The following HEATR4 variants were observed in gnomAD, a reference collection of about 807,000 sequenced individuals.
HEATR4 encodes HEAT repeat-containing protein 4.
Under a neutral mutation model 108.8 loss-of-function variants are expected in HEATR4, and 95 were observed. That is an observed-to-expected ratio of 0.87 (90% CI 0.74 to 1.04). The LOEUF (loss-of-function observed/expected upper bound fraction) is 1.04. Ranked by LOEUF, HEATR4 falls within the 50% of genes least tolerant of loss-of-function variation. HEATR4 has a pLI of 0.00. For synonymous variants in HEATR4, 443 were observed against 459.4 expected (o/e 0.96, Z 0.46); for missense variants, 1,152 against 1,253.8 (o/e 0.92, Z 1.23).
rs913662193 is a variant in HEATR4 at position 73,491,702 on chromosome 14, C to A, written c.2844+1364G>T. On this transcript the variant is annotated intron_variant, in intron 17 of 17. Transcript: ENST00000553558. ...GCGCCTATGGGAGCGCGAGGCGGTG[C>A]TGGTGCGGCGGCAGGACCACACCTA... The A allele has an allele frequency of 6.5e-6, 10 of 1,550,358 alleles. No homozygotes were observed. In the Admixed American group the frequency reaches 1.2e-4, roughly 18 times the overall value.
rs770978829 is a variant in HEATR4 at position 73,539,778 on chromosome 14, C to T, written c.-151-9534G>A. On this transcript the variant is annotated intron_variant, in intron 1 of 17. Transcript: ENST00000553558. ...TCCATCAGCACACGCGTGGGCTGTG[C>T]TCATCGCTGCCGGGGCACTGGGGTT... 1.3e-4 allele frequency: 15 copies of T among 117,312 alleles called. 1 individual carries two copies. The highest frequency in any genetic ancestry group is 4.2e-4 in the African/African-American group (15 of 36,020). The allele number at this position is 117,312 out of a possible 1,614,324, so 7.3% of individuals were successfully genotyped here. A position where few individuals can be genotyped will look rare whatever the true frequency, so the allele number is the denominator to read the frequency against.
chr14:73,509,837 TA>T (rs1248857013), intron 7 of HEATR4, among the ~76,000 whole-genome samples: 1 of 44,568 alleles, frequency 2.2e-5, no homozygotes, highest in Non-Finnish European at 4.8e-5. Context: ...TATATATATA[TA>T]TATATATATA....
rs1335719107 is a variant in HEATR4 at position 73,523,178 on chromosome 14, C to T, written c.-26G>A. ...ACCGCGTCCCAGCAAATGCTTCCTTCCACACTGCCTGGCCTAGAGGAAAGG... is the reference window on the plus strand; with the variant it reads ...ACCGCGTCCCAGCAAATGCTTCCTTTCACACTGCCTGGCCTAGAGGAAAGG... On this transcript the variant is annotated 5_prime_UTR_variant, in exon 3 of 18. Transcript: ENST00000553558. The T allele has an allele frequency of 5.8e-6, 9 of 1,543,772 alleles. No individual in the cohort carries two copies. Among genetic ancestry groups the T allele is most frequent in the Non-Finnish European group, 7.8e-6 (9 of 1,150,740 alleles).
chr14:73,580,684 G>A, the HEATR4 span: 1 of 152,106 alleles, frequency 6.6e-6, no homozygotes, highest in African/African-American at 2.4e-5. Context: ...AGAGATATCT[G>A]GTCCATATCC....
chr14:73,627,342 C>T, the HEATR4 span, among the ~76,000 whole-genome samples: 3 of 152,086 alleles, frequency 2.0e-5, no homozygotes, highest in African/African-American at 7.2e-5. Context: ...AACTCTGACA[C>T]AGTCTACCTG....
intron 16 of HEATR4, 21 bp downstream of exon 16, chr14:73,495,207 A>G: frequency 6.2e-7 from 1 of 1,607,508 alleles, no homozygotes; most frequent in Admixed American, 1.7e-5. Context: ...AAGGCATGGA[A>G]CTCACCCCTA....
the HEATR4 span, chr14:73,617,220 G>A: frequency 1.2e-6 from 2 of 1,614,130 alleles, no homozygotes; most frequent in South Asian, 2.2e-5. Context: ...CCTGAGTGCA[G>A]AAGAGAGGGG....
At chr14:73,626,661 TA>T in the HEATR4 span, among the ~76,000 whole-genome samples, 21,485 of 146,196 alleles carry the variant, frequency 0.15, 2,147 homozygotes, top group Non-Finnish European at 0.22. Context: ...GACCCTGTCT[TA>T]AAAAAAAAAA....
the HEATR4 span, chr14:73,592,341 C>T: frequency 1.3e-6 from 2 of 1,599,460 alleles, no homozygotes; most frequent in Non-Finnish European, 1.7e-6. Context: ...GCACGAGCGC[C>T]ACTTCCTCCC....
chr14:73,573,432 G>A, the HEATR4 span: 44,470 of 1,613,730 alleles, frequency 0.028, 1,255 homozygotes, highest in Non-Finnish European at 0.032. Flanking sequence ...CGGAACTGGA[G>A]GTGGCCTGCT....
At position 73,522,977 on chromosome 14, in the gene HEATR4, C is replaced by T. The variant is rs764475068; in HGVS notation, c.176G>A (p.Arg59His). 1.9e-5 allele frequency: 30 copies of T among 1,614,084 alleles called. No homozygotes were observed. Among genetic ancestry groups the T allele is most frequent in the East Asian group, 1.1e-4 (5 of 44,896 alleles). ...VFFSSQYRLHRKSQYLKMAAA... is the reference protein window; with the variant it reads ...VFFSSQYRLHHKSQYLKMAAA... Reference sequence around the variant, plus strand: ...AGCCATTTTCAAATATTGGCTCTTGCGGTGTAGACGGTACTGTGAGCTGAA... The same window carrying T: ...AGCCATTTTCAAATATTGGCTCTTGTGGTGTAGACGGTACTGTGAGCTGAA... The change falls in exon 3 of 18, where the codon CGC becomes CAC. Residue 59 changes from arginine (R) to histidine (H), a missense_variant. Arg to His is a conservative substitution (Grantham distance 29, BLOSUM62 0). Transcript: ENST00000553558.
At chr14:73,590,459 A>G in the HEATR4 span, among the ~76,000 whole-genome samples, 3 of 152,264 alleles carry the variant, frequency 2.0e-5, no homozygotes, top group African/African-American at 7.2e-5. Context: ...GCTGCCTGCC[A>G]GTCCCGCGCC....
the HEATR4 span, among the ~76,000 whole-genome samples, chr14:73,622,554 C>A: frequency 1.3e-3 from 205 of 152,088 alleles, no homozygotes; most frequent in Non-Finnish European, 2.2e-3. Context: ...AGGCGCACCA[C>A]CACACCCGGC....
chr14:73,595,828 C>T, the HEATR4 span: 8 of 726,338 alleles, frequency 1.1e-5, no homozygotes, highest in Admixed American at 2.1e-4. Flanking sequence ...ATGTAACTTG[C>T]TTGTTGTAGA....
At chr14:73,572,612 TAA>T in the HEATR4 span, among the ~76,000 whole-genome samples, 2 of 136,658 alleles carry the variant, frequency 1.5e-5, no homozygotes, top group Non-Finnish European at 3.1e-5. Context: ...AACTATGTCT[TAA>T]AAGTGTTGCC....
the HEATR4 span, among the ~76,000 whole-genome samples, chr14:73,630,458 A>G: frequency 6.6e-6 from 1 of 152,072 alleles, no homozygotes; most frequent in Non-Finnish European, 1.5e-5. Context: ...TTTACCTACA[A>G]CTGTCTTGGT....
In HEATR4 at chr14:73,514,082, G is replaced by A; in HGVS notation, c.1363C>T (p.Leu455=). ...TTCAGCATCCTCCGCAGGACCACCA[G>A]TTCCCAGGTCACATCCTCCTGCAGT... is the stretch of plus-strand genomic sequence containing the variant. ...KSLQEDVTWE[L]VVLRRMLKEW... Residue 455 remains leucine (L), a synonymous_variant, in exon 6 of 18, where the codon CTG becomes TTG. Coordinates refer to ENST00000553558, the MANE Select transcript of HEATR4 (RefSeq NM_001220484.1). 6.2e-7 allele frequency: 1 copy of A among 1,614,172 alleles called. No homozygotes were observed. Among genetic ancestry groups the A allele is most frequent in the Non-Finnish European group, 8.5e-7 (1 of 1,180,038 alleles).
At chr14:73,617,056 C>A in the HEATR4 span, 1 of 1,292,792 alleles carries the variant, frequency 7.7e-7, no homozygotes, top group Non-Finnish European at 1.1e-6. Context: ...GAATACAGGG[C>A]CAGCCTCCTG....
chr14:73,505,902 T>A (rs1451293137), intron 10 of HEATR4, among the ~76,000 whole-genome samples: 1 of 148,780 alleles, frequency 6.7e-6, no homozygotes, highest in Non-Finnish European at 1.5e-5. Flanking sequence ...TTTTTTTTTT[T>A]TTTTTTGAGA....
Sources: gnomAD v4.1 joint callset for allele counts (sites outside exome capture counted in the v4.1 genomes callset) on GRCh38, gnomAD v4.1.1 for gene constraint, MANE v1.5 for transcripts, NCBI Gene and HGNC (gene_info 2026-07-23, HGNC 2026-07-21) for gene names.